Variants in NREP observed in about 807,000 individuals in gnomAD.
NREP encodes the protein neuronal regeneration-related protein.
NREP carries 5 observed loss-of-function variants against 8.6 expected under a neutral mutation model. The observed-to-expected ratio is 0.58, with a 90% CI of 0.30 to 1.22. NREP has a LOEUF of 1.22. NREP is among the 50% of genes most tolerant of loss of function. The pLI is 0.07. For missense variants in NREP, 86 were observed against 82.5 expected (o/e 1.04, Z -0.17); for synonymous variants, 27 against 28.0 (o/e 0.96, Z 0.11).
chr5:111,826,980 T>C (rs1752643619), intron 2 of NREP, among the ~76,000 whole-genome samples: 1 of 152,242 alleles, frequency 6.6e-6, no homozygotes, highest in African/African-American at 2.4e-5. Flanking sequence ...ACAAATAATA[T>C]TTTCTTATTT....
At chr5:111,818,778 G>A (rs1274984376) in intron 2 of NREP, among the ~76,000 whole-genome samples, 1 of 151,962 alleles carries the variant, frequency 6.6e-6, no homozygotes, top group African/African-American at 2.4e-5. Flanking sequence ...TGATTGTAGT[G>A]GTAAGGATAA....
chr5:111,896,236 G>T (rs913058004), intron 2 of NREP, among the ~76,000 whole-genome samples: 4 of 152,132 alleles, frequency 2.6e-5, no homozygotes, highest in Admixed American at 1.3e-4. Flanking sequence ...GAATCAAAGT[G>T]ATAAGAATAG....
intron 3 of NREP, chr5:111,734,403 A>G (rs1411077589): frequency 4.6e-6 from 1 of 215,766 alleles, no homozygotes; most frequent in East Asian, 1.0e-4. Context: ...CTCCAGCTCT[A>G]CAAATCAGTG....
At chr5:111,867,951 A>C (rs999473363) in intron 2 of NREP, among the ~76,000 whole-genome samples, 3 of 152,100 alleles carry the variant, frequency 2.0e-5, no homozygotes, top group Non-Finnish European at 4.4e-5. Context: ...TTATAATTCC[A>C]AAAAGAATCC....
chr5:111,790,862 A>T (rs543858330), intron 2 of NREP, among the ~76,000 whole-genome samples: 1 of 152,182 alleles, frequency 6.6e-6, no homozygotes, highest in Non-Finnish European at 1.5e-5. Flanking sequence ...GTTCAACGAA[A>T]TGAGGATTGA....
intron 2 of NREP, among the ~76,000 whole-genome samples, chr5:111,927,033 G>A (rs568826981): frequency 2.6e-5 from 4 of 152,008 alleles, no homozygotes; most frequent in Admixed American, 6.5e-5. Flanking sequence ...GATGGATCTC[G>A]GGAGAGACTA....
intron 2 of NREP, among the ~76,000 whole-genome samples, chr5:111,947,393 T>A (rs891066588): frequency 1.3e-5 from 2 of 152,006 alleles, no homozygotes; most frequent in African/African-American, 4.8e-5. Context: ...TAATGGGTAA[T>A]ATTCAATTGT....
At chr5:111,920,442 T>C (rs1238103061) in intron 2 of NREP, among the ~76,000 whole-genome samples, 1 of 152,146 alleles carries the variant, frequency 6.6e-6, no homozygotes, top group African/African-American at 2.4e-5. Flanking sequence ...CTATTTGTCT[T>C]AATGAAACCT....
chr5:111,805,018 C>T (rs116235913), intron 2 of NREP, among the ~76,000 whole-genome samples: 1 of 151,814 alleles, frequency 6.6e-6, no homozygotes, highest in African/African-American at 2.4e-5. Flanking sequence ...ACAACAACAA[C>T]AAAACGAAAA....
At chr5:111,863,720 A>G (rs2112485003) in intron 2 of NREP, among the ~76,000 whole-genome samples, 1 of 152,302 alleles carries the variant, frequency 6.6e-6, no homozygotes, top group South Asian at 2.1e-4. Context: ...AGTAGTGATG[A>G]GAAGTTGAAT....
At chr5:111,923,091 G>C (rs749638765) in intron 2 of NREP, among the ~76,000 whole-genome samples, 5 of 152,188 alleles carry the variant, frequency 3.3e-5, no homozygotes, top group Non-Finnish European at 5.9e-5. Context: ...GTGAGAAACT[G>C]TCTCTCCTTC....
intron 2 of NREP, among the ~76,000 whole-genome samples, chr5:111,950,341 C>A (rs901280027): frequency 2.0e-5 from 3 of 152,022 alleles, no homozygotes; most frequent in Admixed American, 1.3e-4. Context: ...ACTAGCTAGC[C>A]ATATACAGAA....
chr5:111,773,364 T>C (rs1561660815), intron 2 of NREP, among the ~76,000 whole-genome samples: 1 of 152,208 alleles, frequency 6.6e-6, no homozygotes, highest in Non-Finnish European at 1.5e-5. Context: ...ATTTGGAGGT[T>C]ACTAATTGGT....
chr5:111,756,413 T>C (rs1750714581), intron 1 of NREP, among the ~76,000 whole-genome samples: 1 of 152,032 alleles, frequency 6.6e-6, no homozygotes, highest in Admixed American at 6.6e-5. Flanking sequence ...TGCAGTGATT[T>C]ACCCTCAACC....
At chr5:111,763,813 C>T (rs552621884) in intron 2 of NREP, among the ~76,000 whole-genome samples, 7 of 152,272 alleles carry the variant, frequency 4.6e-5, no homozygotes, top group South Asian at 4.1e-4. Flanking sequence ...TTTGTGTTAA[C>T]GAATTTGCAT....
At chr5:111,817,992 TGGTAGGTGA>T (rs890231305) in intron 2 of NREP, among the ~76,000 whole-genome samples, 1 of 152,096 alleles carries the variant, frequency 6.6e-6, no homozygotes, top group African/African-American at 2.4e-5. Flanking sequence ...AGCCATTCTT[TGGTAGGTGA>T]AAGAAAGTCA....
intron 2 of NREP, among the ~76,000 whole-genome samples, chr5:111,825,764 G>A (rs1752608205): frequency 6.6e-6 from 1 of 152,048 alleles, no homozygotes; most frequent in Non-Finnish European, 1.5e-5. Context: ...CCATCACAGT[G>A]GTTCCAGGAG....
rs576680029 is a variant in NREP, at chr5:111,741,753, G to A, written c.4-6246C>T. On this transcript the variant is annotated intron_variant, in intron 2 of 3. Coordinates refer to ENST00000257435, the MANE Select transcript of NREP (RefSeq NM_004772.4). ...CTGGAAAGCAGAATAAAAGTGCTGG[G>A]GCTTAGGTTGGCAAGCATTCTGGCT... 2.2e-4 allele frequency among the ~76,000 whole-genome samples: 33 copies of A among 152,000 alleles called. No individual in the cohort carries two copies. In the South Asian group the frequency reaches 3.9e-3, roughly 18 times the overall value.
intron 2 of NREP, among the ~76,000 whole-genome samples, chr5:111,800,411 C>T (rs953257863): frequency 1.3e-5 from 2 of 152,226 alleles, no homozygotes; most frequent in African/African-American, 4.8e-5. Flanking sequence ...CCACTTGTGC[C>T]ATTGCACAGA....
Sources: gnomAD v4.1 joint callset for allele counts (sites outside exome capture counted in the v4.1 genomes callset) on GRCh38, gnomAD v4.1.1 for gene constraint, MANE v1.5 for transcripts, NCBI Gene and HGNC (gene_info 2026-07-23, HGNC 2026-07-21) for gene names.